METTL2B: variants seen among roughly 807,000 people sequenced by gnomAD.
METTL2B encodes the protein tRNA N(3)-cytidine methyltransferase METTL2B.
Under a neutral mutation model 51.0 loss-of-function variants are expected in METTL2B, and 28 were observed. The observed-to-expected ratio is 0.55, with a 90% confidence interval of 0.41 to 0.75. METTL2B has a LOEUF of 0.75. Among genes scored for constraint, METTL2B ranks in the 30% least tolerant of loss-of-function variants. METTL2B has a pLI of 0.00. For missense variants in METTL2B, 313 were observed against 460.7 expected (o/e 0.68, Z 2.93); for synonymous variants, 128 against 166.3 (o/e 0.77, Z 1.77).
At chr7:128,495,078 C>G (rs1285362103) in intron 6 of METTL2B, among the ~76,000 whole-genome samples, 1 of 151,484 alleles carries the variant, frequency 6.6e-6, no homozygotes, top group Non-Finnish European at 1.5e-5. Context: ...CCATGCCTGG[C>G]TAATTTTTGT....
chr7:128,496,795 T>TG (rs1792931029), intron 6 of METTL2B, among the ~76,000 whole-genome samples: 1 of 144,012 alleles, frequency 6.9e-6, no homozygotes, highest in African/African-American at 2.6e-5. Flanking sequence ...TTTGTTTGTT[T>TG]TCTGAGACAG....
intron 6 of METTL2B, among the ~76,000 whole-genome samples, 172 bp downstream of exon 6, chr7:128,494,115 C>G (rs143397356): frequency 0.016 from 2,368 of 152,270 alleles, 31 homozygotes; most frequent in South Asian, 0.055. Context: ...TCCTCAGCTT[C>G]CCAAGTAGGT....
chr7:128,491,550 C>T (rs147338184), intron 5 of METTL2B, among the ~76,000 whole-genome samples: 1,576 of 150,520 alleles, frequency 0.01, 33 homozygotes, highest in African/African-American at 0.037. Context: ...GCCAAGATCA[C>T]GCCATTGCAC....
chr7:128,497,773 G>A (rs1467869566), intron 6 of METTL2B, among the ~76,000 whole-genome samples: 3 of 152,212 alleles, frequency 2.0e-5, no homozygotes, highest in Admixed American at 2.0e-4. Context: ...ATGAGCCACC[G>A]CACCTGGCCG....
chr7:128,476,899 G>C, intron 1 of METTL2B, 24 bp downstream of exon 1: 1 of 1,612,930 alleles, frequency 6.2e-7, no homozygotes, highest in South Asian at 1.1e-5. Context: ...CCCCTCGCCC[G>C]GCCTGTCGCT....
At chr7:128,480,122 GAGCAGTGAGACTGCTGCCTCTGC>G (rs1477489493) in intron 3 of METTL2B, among the ~76,000 whole-genome samples, 1 of 152,182 alleles carries the variant, frequency 6.6e-6, no homozygotes, top group Non-Finnish European at 1.5e-5. Context: ...TACCCTCTCT[GAGCAGTGAGACTGCTGCCTCTGC>G]ACCTTATACT....
At chr7:128,481,645 G>GT (rs1017945658) in intron 4 of METTL2B, among the ~76,000 whole-genome samples, 26 of 151,606 alleles carry the variant, frequency 1.7e-4, no homozygotes, top group South Asian at 2.1e-4. Context: ...CTCATCAAGG[G>GT]TTTTTTTTTA....
intron 7 of METTL2B, among the ~76,000 whole-genome samples, chr7:128,498,997 C>CAA (rs57860093): frequency 2.0e-4 from 22 of 109,822 alleles, no homozygotes; most frequent in East Asian, 2.9e-4. Context: ...AACTCTGTCT[C>CAA]AAAAAAAAAA....
At chr7:128,492,490 C>G (rs922960619) in intron 5 of METTL2B, among the ~76,000 whole-genome samples, 3 of 151,824 alleles carry the variant, frequency 2.0e-5, no homozygotes, top group Non-Finnish European at 4.4e-5. Context: ...ACTATGTTGC[C>G]TAGCTGGTCT....
In METTL2B at chr7:128,497,954, G is replaced by C. The variant is rs550314218; in HGVS notation, c.810-82G>C. On this transcript the variant is annotated intron_variant, in intron 6 of 8. Coordinates refer to ENST00000262432, the MANE Select transcript of METTL2B (RefSeq NM_018396.3). ...GGTGTGTCAGTTGAGGAAGTCCACT[G>C]GCTTTTTGGGATATGCTACAGGGAA... The C allele has an allele frequency of 7.6e-6, 11 of 1,451,942 alleles. No individual in the cohort carries two copies. In the African/African-American group the frequency reaches 1.6e-4, roughly 20 times the overall value. The allele number at this position is 1,451,942 out of a possible 1,614,324, so 89.9% of individuals were successfully genotyped here. A position where few individuals can be genotyped will look rare whatever the true frequency, so the allele number is the denominator to read the frequency against.
Position 128,501,981 on chromosome 7 carries a change from G to A in METTL2B, c.*65G>A. The stretch of plus-strand genomic sequence containing the variant: ...TCCGAGCTTTTTTAAAAAAAAATTT[G>A]TAGCACCGGGCATGGTGCATGCCTG... On this transcript the variant is annotated 3_prime_UTR_variant, in exon 9 of 9. Transcript: ENST00000262432. 6.3e-7 allele frequency: 1 copy of A among 1,598,540 alleles called. No homozygotes were observed. Among genetic ancestry groups the A allele is most frequent in the Non-Finnish European group, 8.5e-7 (1 of 1,170,576 alleles).
At chr7:128,485,497 A>C (rs1016465436) in intron 4 of METTL2B, among the ~76,000 whole-genome samples, 1 of 152,014 alleles carries the variant, frequency 6.6e-6, no homozygotes, top group African/African-American at 2.4e-5. Context: ...CCCCGTCTCC[A>C]CTCAAAATAC....
Position 128,493,695 on chromosome 7 carries a change from C to T in METTL2B, c.670-109C>T, listed in dbSNP as rs187752400. The T allele has an allele frequency of 1.4e-4, 194 of 1,434,020 alleles. 4 individuals carry two copies. In the East Asian group the frequency reaches 3.3e-3, roughly 24 times the overall value. The allele number at this position is 1,434,020 out of a possible 1,614,324, so 88.8% of individuals were successfully genotyped here. A position where few individuals can be genotyped will look rare whatever the true frequency, so the allele number is the denominator to read the frequency against. On this transcript the variant is annotated intron_variant, in intron 5 of 8. Transcript: ENST00000262432. ...AAAAAAAAGAAAAAAGAAATAGATC[C>T]CTCTTCGTGAAGTAGCAACAGTTAC... is the stretch of plus-strand genomic sequence containing the variant.
chr7:128,484,217 CTTTTTTTTTTTTTTTT>C (rs574117158), intron 4 of METTL2B: 1 of 42,414 alleles, frequency 2.4e-5, no homozygotes, highest in Non-Finnish European at 4.3e-5. Flanking sequence ...TGCCTAGATC[CTTTTTTTTTTTTTTTT>C]TTTTTTTTTT....
At position 128,500,929 on chromosome 7, in the gene METTL2B, G is replaced by T. The variant is rs139332186; in HGVS notation, c.943G>T (p.Val315Leu). The T allele has an allele frequency of 1.5e-5, 24 of 1,614,116 alleles. No homozygotes were observed. The highest frequency in any genetic ancestry group is 2.0e-5 in the Non-Finnish European group (24 of 1,179,988). The change falls in exon 8 of 9, where the codon GTG (valine) becomes TTG (leucine). Residue 315 changes from valine to leucine, a missense_variant. This residue lies in a region of METTL2B where 138 missense variants were observed against 187.6 expected (regional missense o/e 0.74). Transcript: ENST00000262432. ...KGQCLSGNFY[V>L]RGDGTRVYFF... ...TCAGTGTCTATCTGGAAATTTCTAT[G>T]TGAGAGGTGATGGAACCAGAGTTTA...
At chr7:128,476,947 C>T (rs1799807666) in intron 1 of METTL2B, 72 bp downstream of exon 1, 3 of 1,254,246 alleles carry the variant, frequency 2.4e-6, no homozygotes, top group Non-Finnish European at 2.2e-6. Flanking sequence ...TTCCGAAAAG[C>T]CCCTGACCGC....
At chr7:128,477,286 C>G (rs1227040793) in intron 2 of METTL2B, 113 bp downstream of exon 2, 2 of 1,413,580 alleles carry the variant, frequency 1.4e-6, no homozygotes, top group Admixed American at 2.0e-5. Flanking sequence ...TGGCCTGATG[C>G]GGATCTCAGG....
intron 6 of METTL2B, among the ~76,000 whole-genome samples, chr7:128,497,657 A>G (rs1792947842): frequency 6.6e-6 from 1 of 151,946 alleles, no homozygotes; most frequent in Non-Finnish European, 1.5e-5. Context: ...TACTTTTTGT[A>G]TTTTCAGTAG....
At chr7:128,494,050 T>C in intron 6 of METTL2B, 107 bp downstream of exon 6, 1 of 1,387,964 alleles carries the variant, frequency 7.2e-7, no homozygotes, top group Non-Finnish European at 9.8e-7. Context: ...TGGAGTGCAG[T>C]GGCACGATCA....
Sources: allele counts gnomAD v4.1 joint callset (sites outside exome capture counted in the v4.1 genomes callset), GRCh38; gene constraint gnomAD v4.1.1; regional missense constraint gnomAD v4.1.1; transcripts MANE v1.5; gene names NCBI Gene and HGNC (gene_info 2026-07-23, HGNC 2026-07-21).